The following GRID2 variants were observed in gnomAD, a reference collection of about 807,000 sequenced individuals.
GRID2 encodes glutamate receptor ionotropic, delta-2.
In GRID2, 33 loss-of-function variants were observed where a neutral mutation model predicts 114.8. The observed-to-expected ratio is 0.29, with a 90% CI of 0.22 to 0.38. The LOEUF is 0.38. Ranked by LOEUF, GRID2 falls within the 10% of genes least tolerant of loss-of-function variation. GRID2 has a pLI of 1.00. For missense variants in GRID2, 1,184 were observed against 1,257.7 expected (o/e 0.94, Z 0.89); for synonymous variants, 505 against 449.9 (o/e 1.12, Z -1.55).
At chr4:92,784,425 G>A (rs574224514) in intron 2 of GRID2, among the ~76,000 whole-genome samples, 84 of 151,812 alleles carry the variant, frequency 5.5e-4, no homozygotes, top group Middle Eastern at 6.8e-3. Flanking sequence ...TATACAATTT[G>A]TGAAAGTTAT....
At chr4:93,191,930 A>G (rs919805045) in intron 4 of GRID2, among the ~76,000 whole-genome samples, 2 of 152,194 alleles carry the variant, frequency 1.3e-5, no homozygotes, top group Non-Finnish European at 2.9e-5. Flanking sequence ...TACCCATAAT[A>G]TCTTCTATCT....
At chr4:93,157,752 T>C (rs1737312934) in intron 4 of GRID2, among the ~76,000 whole-genome samples, 1 of 151,746 alleles carries the variant, frequency 6.6e-6, no homozygotes, top group African/African-American at 2.4e-5. Flanking sequence ...ACTTTGAGAC[T>C]TGCTGAACTC....
At chr4:93,801,578 G>GTAA (rs1256369958) in intron 1 of GRID2, among the ~76,000 whole-genome samples, 1 of 152,026 alleles carries the variant, frequency 6.6e-6, no homozygotes, top group African/African-American at 2.4e-5. Flanking sequence ...CTCCTTCTAT[G>GTAA]TAGACTTTCT....
At chr4:93,184,170 A>G (rs1740169876) in intron 4 of GRID2, among the ~76,000 whole-genome samples, 1 of 152,180 alleles carries the variant, frequency 6.6e-6, no homozygotes, top group Non-Finnish European at 1.5e-5. Context: ...AGAAATGTGT[A>G]GTCAGGAACA....
At chr4:93,199,056 A>T (rs2149457575) in intron 4 of GRID2, among the ~76,000 whole-genome samples, 1 of 152,246 alleles carries the variant, frequency 6.6e-6, no homozygotes, top group East Asian at 1.9e-4. Context: ...TTTTAGTGTA[A>T]TTTCCTGATG....
chr4:93,053,307 C>T (rs541676260), intron 2 of GRID2, among the ~76,000 whole-genome samples: 172 of 151,984 alleles, frequency 1.1e-3, no homozygotes, highest in African/African-American at 4.1e-3. Flanking sequence ...GATTCTGATG[C>T]ATGCCAAAGT....
In GRID2 at chr4:93,570,232, C is replaced by G. The variant is rs139405961; in HGVS notation, c.2193+54821C>G. Among the ~76,000 whole-genome samples, 470 of 152,208 alleles carry G rather than the reference C, an allele frequency of 3.1e-3. 1 individual carries two copies. Among genetic ancestry groups the G allele is most frequent in the Middle Eastern group, 0.01 (3 of 294 alleles). On this transcript the variant is annotated intron_variant, in intron 13 of 15. Coordinates refer to ENST00000282020, the MANE Select transcript of GRID2 (RefSeq NM_001510.4). ...GGTGGAGCTGGGACTCAGCTGAGCTCTTGGTCATGTGTTATACTTTTCCCC... is the reference window on the plus strand; with the variant it reads ...GGTGGAGCTGGGACTCAGCTGAGCTGTTGGTCATGTGTTATACTTTTCCCC...
At chr4:93,532,044 T>G (rs1731500088) in intron 13 of GRID2, among the ~76,000 whole-genome samples, 1 of 152,130 alleles carries the variant, frequency 6.6e-6, no homozygotes, top group Admixed American at 6.6e-5. Context: ...AATCTGAAAT[T>G]CCCTACTAAC....
At chr4:93,213,874 A>G (rs532714572) in intron 5 of GRID2, among the ~76,000 whole-genome samples, 1 of 152,254 alleles carries the variant, frequency 6.6e-6, no homozygotes, top group East Asian at 1.9e-4. Context: ...AGTGAATAAG[A>G]ATATTTTGTC....
chr4:93,180,360 CA>C (rs1379939836), intron 4 of GRID2, among the ~76,000 whole-genome samples: 2 of 151,986 alleles, frequency 1.3e-5, no homozygotes, highest in African/African-American at 4.8e-5. Context: ...TAAAGAATGC[CA>C]ACAATCATCT....
chr4:93,781,976 C>A (rs1734489999), intron 1 of GRID2, among the ~76,000 whole-genome samples: 2 of 152,112 alleles, frequency 1.3e-5, no homozygotes, highest in Non-Finnish European at 2.9e-5. Context: ...AGCATTCAAA[C>A]TTTGATTGTT....
chr4:92,374,898 A>G (rs1386163955), intron 1 of GRID2, among the ~76,000 whole-genome samples: 2 of 152,160 alleles, frequency 1.3e-5, no homozygotes, highest in East Asian at 1.9e-4. Context: ...GTGGTTATCA[A>G]TCTGAATATG....
intron 1 of GRID2, among the ~76,000 whole-genome samples, chr4:92,570,022 A>T (rs2149191132): frequency 6.6e-6 from 1 of 152,072 alleles, no homozygotes; most frequent in South Asian, 2.1e-4. Context: ...TTTTTCATGA[A>T]ATCTTTGCCT....
chr4:93,042,473 G>A (rs866016605), intron 2 of GRID2, among the ~76,000 whole-genome samples: 10 of 148,282 alleles, frequency 6.7e-5, no homozygotes, highest in Non-Finnish European at 1.5e-4. Flanking sequence ...CTTTACTAGT[G>A]TCTCTGAAGT....
At chr4:92,942,633 G>T (rs1309178651) in intron 2 of GRID2, among the ~76,000 whole-genome samples, 1 of 152,134 alleles carries the variant, frequency 6.6e-6, no homozygotes, top group Non-Finnish European at 1.5e-5. Context: ...TGGTTATTTT[G>T]CTCATTAGTT....
chr4:93,458,766 G>A (rs1233819401), intron 11 of GRID2, among the ~76,000 whole-genome samples: 2 of 152,198 alleles, frequency 1.3e-5, no homozygotes, highest in African/African-American at 4.8e-5. Context: ...GTAAAAAAAG[G>A]GATAACAAGA....
Position 93,709,306 on chromosome 4 carries a change from C to T in GRID2, c.2361-59904C>T, listed in dbSNP as rs113963032. 1.3e-4 allele frequency among the ~76,000 whole-genome samples: 20 copies of T among 152,174 alleles called. No individual in the cohort carries two copies. In the East Asian group the frequency reaches 2.5e-3, roughly 19 times the overall value. On this transcript the variant is annotated intron_variant, in intron 14 of 15. Coordinates refer to ENST00000282020, the MANE Select transcript of GRID2 (RefSeq NM_001510.4). Reference sequence around the variant, plus strand: ...TGTCAAAATTCCTTGGCTTTTATTTCTCATGGAAAGTATTTCTCCTTTGTG... The same window carrying T: ...TGTCAAAATTCCTTGGCTTTTATTTTTCATGGAAAGTATTTCTCCTTTGTG...
At chr4:92,571,749 A>G (rs1485839060) in intron 1 of GRID2, among the ~76,000 whole-genome samples, 1 of 152,170 alleles carries the variant, frequency 6.6e-6, no homozygotes, top group Non-Finnish European at 1.5e-5. Flanking sequence ...CCACTCAACT[A>G]CATGGAAACT....
chr4:92,512,478 G>T (rs1287856417), intron 1 of GRID2, among the ~76,000 whole-genome samples: 1 of 151,838 alleles, frequency 6.6e-6, no homozygotes, highest in South Asian at 2.1e-4. Flanking sequence ...ATCTGGAAAA[G>T]AGATGAATTA....
Sources: allele counts gnomAD v4.1 joint callset (sites outside exome capture counted in the v4.1 genomes callset), GRCh38; gene constraint gnomAD v4.1.1; transcripts MANE v1.5; gene names NCBI Gene and HGNC (gene_info 2026-07-23, HGNC 2026-07-21).